PATL2: variants seen among roughly 807,000 people sequenced by gnomAD.
PATL2 encodes PAT1 homolog 2, also known as protein PAT1 homolog 2.
In PATL2, 73 loss-of-function variants were observed where a neutral mutation model predicts 77.0. The ratio of observed to expected loss-of-function variants is 0.95; its 90% CI spans 0.78 to 1.15. The LOEUF is 1.15. Among genes scored for constraint, PATL2 ranks in the 50% most tolerant of loss-of-function variants. The probability of loss-of-function intolerance (pLI) is 0.00; values close to 1 mark genes in which losing one functional copy is unlikely to be tolerated. For synonymous variants in PATL2, 265 were observed against 257.1 expected, an observed-to-expected ratio of 1.03 and a Z score of -0.29; for missense variants, 618 against 655.4, an observed-to-expected ratio of 0.94 and a Z score of 0.62.
chr15:44,668,855 G>T (rs2085515104), intron 14 of PATL2, 125 bp downstream of exon 14: 1 of 1,207,120 alleles, frequency 8.3e-7, no homozygotes, highest in Non-Finnish European at 1.1e-6. Context: ...GGGTGGCAAG[G>T]CCAGCATCCC....
chr15:44,679,515 A>G (rs1466310997), intron 3 of PATL2, among the ~76,000 whole-genome samples: 1 of 147,764 alleles, frequency 6.8e-6, no homozygotes, highest in Non-Finnish European at 1.5e-5. Flanking sequence ...GGCGTGAGCC[A>G]CCGTGCCTGG....
chr15:44,690,063 C>T (rs1232043111), intron 3 of PATL2, among the ~76,000 whole-genome samples: 2 of 152,058 alleles, frequency 1.3e-5, no homozygotes, highest in Admixed American at 1.3e-4. Flanking sequence ...GTGGCACATG[C>T]CTGTAATCCC....
At chr15:44,668,291 T>G in intron 15 of PATL2, 51 bp downstream of exon 15, 2 of 1,528,262 alleles carry the variant, frequency 1.3e-6, no homozygotes, top group Non-Finnish European at 1.8e-6. Context: ...CCCTTATCAG[T>G]GATACCAACC....
chr15:44,696,401 GA>G (rs2086503366), intron 3 of PATL2, among the ~76,000 whole-genome samples: 1 of 152,184 alleles, frequency 6.6e-6, no homozygotes, highest in Non-Finnish European at 1.5e-5. Context: ...AATTAAGGAT[GA>G]ATAATACATT....
intron 6 of PATL2, among the ~76,000 whole-genome samples, 192 bp downstream of exon 6, chr15:44,673,953 TTAAGG>T (rs2085820595): frequency 6.6e-6 from 1 of 152,210 alleles, no homozygotes; most frequent in South Asian, 2.1e-4. Flanking sequence ...GTACCACTTA[TTAAGG>T]TGTCTATCCA....
intron 3 of PATL2, among the ~76,000 whole-genome samples, chr15:44,681,279 A>G (rs986118656): frequency 4.6e-5 from 7 of 152,158 alleles, no homozygotes; most frequent in Admixed American, 1.3e-4. Context: ...TTGGCCTCCC[A>G]AAGTGCTGGG....
chr15:44,699,985 C>T (rs1414055595), intron 3 of PATL2, among the ~76,000 whole-genome samples: 1 of 151,932 alleles, frequency 6.6e-6, no homozygotes, highest in Non-Finnish European at 1.5e-5. Context: ...TGTTCTGGGC[C>T]TTTTGTGGTT....
rs71762204 is a variant in PATL2, at chr15:44,690,340, A to AT, written c.-75-13776dup. On this transcript the variant is annotated intron_variant, in intron 3 of 17. Coordinates refer to ENST00000682850, the MANE Select transcript of PATL2 (RefSeq NM_001387263.1). ...ATAAAACCACAAATAAAGTCAAAAT[A>AT]TTTTTTTTTTTTTTTTGAGACTGGG... 1.4e-3 allele frequency among the ~76,000 whole-genome samples: 201 copies of AT among 141,744 alleles called. 2 individuals are homozygous for AT. The East Asian group carries it at 0.023, about 16-fold the overall frequency. 93.0% of individuals were successfully genotyped at this position (141,744 alleles called of 152,430 possible). A position where few individuals can be genotyped will look rare whatever the true frequency, so the allele number is the denominator to read the frequency against.
chr15:44,706,674 C>T (rs1002157592), intron 3 of PATL2, among the ~76,000 whole-genome samples: 1 of 152,212 alleles, frequency 6.6e-6, no homozygotes, highest in African/African-American at 2.4e-5. Flanking sequence ...CCCCTGTGAC[C>T]ACCACTGGGA....
At chr15:44,705,811 G>GTT (rs371254036) in intron 3 of PATL2, among the ~76,000 whole-genome samples, 1 of 135,394 alleles carries the variant, frequency 7.4e-6, no homozygotes, top group Non-Finnish European at 1.5e-5. Flanking sequence ...TCAAAACATT[G>GTT]TTTTTTTTTA....
intron 3 of PATL2, among the ~76,000 whole-genome samples, chr15:44,701,665 C>T (rs1265641296): frequency 1.4e-5 from 2 of 146,480 alleles, no homozygotes; most frequent in Non-Finnish European, 3.0e-5. Context: ...CACCACTGCC[C>T]TCCAGCCTGG....
chr15:44,665,766 G>A lies in PATL2; in HGVS notation c.*187C>T, dbSNP rs2085335588. 2 of 1,463,668 alleles carry A rather than the reference G, an allele frequency of 1.4e-6. No homozygotes were observed. The highest frequency in any genetic ancestry group is 1.4e-5 in the African/African-American group (1 of 69,530). The allele number at this position is 1,463,668 out of a possible 1,614,324, so 90.7% of individuals were successfully genotyped here. On this transcript the variant is annotated 3_prime_UTR_variant, in exon 18 of 18. Transcript: ENST00000682850. ...TATCTCTTTAATTATACCTTATTAT[G>A]CCATGTCTTATTTTTAGGCACATCA...
At chr15:44,684,529 AGAC>A (rs1372717123) in intron 3 of PATL2, among the ~76,000 whole-genome samples, 1 of 151,960 alleles carries the variant, frequency 6.6e-6, no homozygotes, top group Admixed American at 6.6e-5. Flanking sequence ...AAATAAAGCA[AGAC>A]GACAAGATTA....
chr15:44,670,689 G>A (rs2141183149), intron 9 of PATL2, among the ~76,000 whole-genome samples: 1 of 152,324 alleles, frequency 6.6e-6, no homozygotes, highest in Middle Eastern at 3.4e-3. Flanking sequence ...GCAAAGTGGA[G>A]AGCCAGTGAG....
chr15:44,710,767 G>A (rs1038776129), intron 2 of PATL2, among the ~76,000 whole-genome samples, 104 bp downstream of exon 2: 2 of 152,120 alleles, frequency 1.3e-5, no homozygotes, highest in Non-Finnish European at 2.9e-5. Context: ...GTACCTAGAG[G>A]GCGCTGGAAG....
intron 3 of PATL2, chr15:44,676,866 C>A (rs1410807128): frequency 9.1e-7 from 1 of 1,101,578 alleles, no homozygotes; most frequent in Non-Finnish European, 1.1e-6. Flanking sequence ...CGACACCCAC[C>A]ACCTGACTGT....
At chr15:44,678,076 T>C (rs1028060974) in intron 3 of PATL2, among the ~76,000 whole-genome samples, 14 of 152,116 alleles carry the variant, frequency 9.2e-5, no homozygotes, top group Admixed American at 3.9e-4. Flanking sequence ...TGTCTCAAAC[T>C]CCTGACCTCA....
intron 6 of PATL2, among the ~76,000 whole-genome samples, 157 bp downstream of exon 6, chr15:44,673,993 C>CTT (rs940495007): frequency 6.6e-6 from 1 of 152,188 alleles, no homozygotes; most frequent in Non-Finnish European, 1.5e-5. Context: ...CACACCACCT[C>CTT]TGTCATTTAT....
At chr15:44,666,818 C>A (rs2141158499) in intron 16 of PATL2, 2 of 517,854 alleles carry the variant, frequency 3.9e-6, no homozygotes, top group Admixed American at 3.7e-5. Context: ...AGTGAAAGAA[C>A]TTGCCCTAAA....
Sources: gnomAD v4.1 joint callset for allele counts (sites outside exome capture counted in the v4.1 genomes callset) on GRCh38, gnomAD v4.1.1 for gene constraint, MANE v1.5 for transcripts, NCBI Gene and HGNC (gene_info 2026-07-23, HGNC 2026-07-21) for gene names.